The following ZDHHC14 variants were observed in gnomAD, a reference collection of about 807,000 sequenced individuals.
ZDHHC14 encodes the protein zDHHC palmitoyltransferase 14, also known as palmitoyltransferase ZDHHC14.
In ZDHHC14, 16 loss-of-function variants were observed where a neutral mutation model predicts 47.7. That is an observed-to-expected ratio of 0.34 (90% CI 0.23 to 0.51). The LOEUF (loss-of-function observed/expected upper bound fraction) is 0.51. Ranked by LOEUF, ZDHHC14 falls within the 20% of genes least tolerant of loss-of-function variation. The pLI, the probability that ZDHHC14 is intolerant of heterozygous loss-of-function variation, is 0.97. For missense variants in ZDHHC14, 515 were observed against 662.5 expected (o/e 0.78, Z 2.44); for synonymous variants, 293 against 278.9 (o/e 1.05, Z -0.50).
intron 2 of ZDHHC14, among the ~76,000 whole-genome samples, chr6:157,579,444 A>G (rs182139434): frequency 1.5e-4 from 23 of 151,996 alleles, no homozygotes; most frequent in Admixed American, 2.6e-4. Context: ...TGATCCGCCC[A>G]CCTCAGCCTC....
Position 157,633,780 on chromosome 6 carries a change from G to A in ZDHHC14, c.752+898G>A, listed in dbSNP as rs1244514795. ...GCTCACTACAACCTCGGCCTCCCAA[G>A]TAGCTGGGATTACAGGTATGTGCCA... On this transcript the variant is annotated intron_variant, in intron 5 of 8. Transcript: ENST00000359775. Among the ~76,000 whole-genome samples the A allele has an allele frequency of 2.6e-5, 4 of 152,204 alleles. No homozygotes were observed. The East Asian group carries it at 7.7e-4, about 29-fold the overall frequency.
intron 1 of ZDHHC14, among the ~76,000 whole-genome samples, chr6:157,434,151 G>A (rs531883387): frequency 2.6e-5 from 4 of 151,578 alleles, no homozygotes; most frequent in Non-Finnish European, 5.9e-5. Flanking sequence ...AAGAAAAACG[G>A]TATTAGTATT....
intron 1 of ZDHHC14, among the ~76,000 whole-genome samples, chr6:157,417,113 C>G (rs1435652869): frequency 1.3e-5 from 2 of 150,360 alleles, no homozygotes; most frequent in Non-Finnish European, 2.9e-5. Flanking sequence ...CAGGCATGAG[C>G]CACCGCGCCT....
rs769978710 is a variant in ZDHHC14, at chr6:157,647,287, G to A, written c.884G>A (p.Gly295Asp). 4.6e-5 allele frequency: 74 copies of A among 1,613,902 alleles called. No individual in the cohort carries two copies. Among genetic ancestry groups the A allele is most frequent in the Non-Finnish European group, 5.9e-5 (70 of 1,179,962 alleles). ...AAAGGATCCTGGTCAAATAAAAGAGGTAAAGAAAATTACAATCCCTACAGC... is the reference window on the plus strand; with the variant it reads ...AAAGGATCCTGGTCAAATAAAAGAGATAAAGAAAATTACAATCCCTACAGC... ...DIKGSWSNKR[G>D]KENYNPYSYG... is the part of the protein sequence containing the mutation. Residue 295 changes from glycine to aspartate, a missense_variant, in exon 7 of 9, where the codon GGT becomes GAT. Transcript: ENST00000359775.
At chr6:157,434,783 CAGTT>C (rs1778407358) in intron 1 of ZDHHC14, among the ~76,000 whole-genome samples, 1 of 152,118 alleles carries the variant, frequency 6.6e-6, no homozygotes, top group Non-Finnish European at 1.5e-5. Flanking sequence ...GCCCTCCTGT[CAGTT>C]AGACTGTCTG....
intron 1 of ZDHHC14, among the ~76,000 whole-genome samples, chr6:157,457,697 C>T (rs1057256790): frequency 1.1e-4 from 16 of 152,216 alleles, no homozygotes; most frequent in African/African-American, 3.9e-4. Flanking sequence ...CCCTTGGCAT[C>T]GGGGGTCTCT....
At chr6:157,557,150 G>A (rs1465226623) in intron 2 of ZDHHC14, among the ~76,000 whole-genome samples, 2 of 152,232 alleles carry the variant, frequency 1.3e-5, no homozygotes, top group Non-Finnish European at 2.9e-5. Flanking sequence ...GAACTGCCGG[G>A]CTGCTCGGAG....
chr6:157,396,964 C>A (rs1777534621), intron 1 of ZDHHC14, among the ~76,000 whole-genome samples: 1 of 152,160 alleles, frequency 6.6e-6, no homozygotes, highest in South Asian at 2.1e-4. Flanking sequence ...AAGTAGAGTT[C>A]CACTTATTTC....
At position 157,566,537 on chromosome 6, in the gene ZDHHC14, G is replaced by A. The variant is rs567268755; in HGVS notation, c.406+23792G>A. On this transcript the variant is annotated intron_variant, in intron 2 of 8. Transcript: ENST00000359775. ...AGTCCACTTACCACCCTGAAGAAGC[G>A]CTGGACAAAATCTCCAGACGGCCAC... 9.2e-5 allele frequency among the ~76,000 whole-genome samples: 14 copies of A among 152,324 alleles called. No homozygotes were observed. In the East Asian group the frequency reaches 1.5e-3, roughly 17 times the overall value.
intron 1 of ZDHHC14, among the ~76,000 whole-genome samples, chr6:157,540,910 G>GTGTGTGTGTGTGTA (rs1284429244): frequency 1.6e-3 from 197 of 122,930 alleles, no homozygotes; most frequent in African/African-American, 5.1e-3. Context: ...GTGTGTGTGT[G>GTGTGTGTGTGTGTA]TATATATATA....
At chr6:157,388,711 A>G (rs192393104) in intron 1 of ZDHHC14, among the ~76,000 whole-genome samples, 1,789 of 152,290 alleles carry the variant, frequency 0.012, 15 homozygotes, top group Non-Finnish European at 0.016. Flanking sequence ...TACCTCCCCA[A>G]TTTCCATCTT....
At chr6:157,467,209 A>G (rs1779240026) in intron 1 of ZDHHC14, among the ~76,000 whole-genome samples, 1 of 152,148 alleles carries the variant, frequency 6.6e-6, no homozygotes, top group African/African-American at 2.4e-5. Context: ...AAGGTACACA[A>G]TTCAGTGGCT....
At chr6:157,628,689 C>A in intron 4 of ZDHHC14, 1 of 618,942 alleles carries the variant, frequency 1.6e-6, no homozygotes. Flanking sequence ...ATCCCCCACT[C>A]CCCACCCCAT....
chr6:157,665,482 G>T (rs1005315756), intron 8 of ZDHHC14, among the ~76,000 whole-genome samples: 1 of 152,112 alleles, frequency 6.6e-6, no homozygotes, highest in African/African-American at 2.4e-5. Context: ...TGGGAAAGAG[G>T]CCCCAGGTAT....
At chr6:157,662,221 G>A (rs1226206650) in intron 8 of ZDHHC14, among the ~76,000 whole-genome samples, 1 of 151,902 alleles carries the variant, frequency 6.6e-6, no homozygotes, top group Non-Finnish European at 1.5e-5. Context: ...TCACTCTGTC[G>A]CCCAGGCTGT....
intron 1 of ZDHHC14, among the ~76,000 whole-genome samples, chr6:157,519,444 T>C (rs560300657): frequency 3.3e-5 from 5 of 151,446 alleles, no homozygotes; most frequent in Non-Finnish European, 7.4e-5. Context: ...TTAACTGTGG[T>C]GAGCAGCTTG....
intron 1 of ZDHHC14, among the ~76,000 whole-genome samples, chr6:157,454,540 C>T (rs1480713877): frequency 6.7e-6 from 1 of 149,044 alleles, no homozygotes; most frequent in Admixed American, 6.8e-5. Flanking sequence ...CCCTGTTTCC[C>T]AGGCTAGAGT....
intron 5 of ZDHHC14, among the ~76,000 whole-genome samples, chr6:157,636,448 G>T (rs1776989068): frequency 6.6e-6 from 1 of 152,056 alleles, no homozygotes; most frequent in African/African-American, 2.4e-5. Flanking sequence ...ATGCTCGCGG[G>T]ATACCCCGAA....
chr6:157,567,156 A>G (rs9505874), intron 2 of ZDHHC14, among the ~76,000 whole-genome samples: 37,362 of 151,968 alleles, frequency 0.25, 4,923 homozygotes, highest in East Asian at 0.51. Flanking sequence ...CTGGCCTAAC[A>G]AGGGGGTTTT....
Sources: allele counts gnomAD v4.1 joint callset (sites outside exome capture counted in the v4.1 genomes callset), GRCh38; gene constraint gnomAD v4.1.1; transcripts MANE v1.5; gene names NCBI Gene and HGNC (gene_info 2026-07-23, HGNC 2026-07-21).